The following RBPJL variants were observed in gnomAD, a reference collection of about 807,000 sequenced individuals.
The protein encoded by RBPJL is recombining binding protein suppressor of hairless-like protein.
In RBPJL, 50 loss-of-function variants were observed where a neutral mutation model predicts 57.6. The ratio of observed to expected loss-of-function variants is 0.87; its 90% CI spans 0.69 to 1.10. The LOEUF (loss-of-function observed/expected upper bound fraction) is 1.10. Ranked by LOEUF, RBPJL falls within the 50% of genes least tolerant of loss-of-function variation. The pLI, the probability that RBPJL is intolerant of heterozygous loss-of-function variation, is 0.00. For missense variants in RBPJL, 684 were observed against 693.7 expected, an observed-to-expected ratio of 0.99 and a Z score of 0.16; for synonymous variants, 303 against 294.4, an observed-to-expected ratio of 1.03 and a Z score of -0.30.
intron 1 of RBPJL, among the ~76,000 whole-genome samples, 164 bp from the exon 2 acceptor site, chr20:45,307,979 A>C (rs1301034930): frequency 6.6e-6 from 1 of 152,196 alleles, no homozygotes; most frequent in Non-Finnish European, 1.5e-5. Flanking sequence ...GGATGAGAGT[A>C]GAAAAGGGAT....
At chr20:45,308,084 G>A in intron 1 of RBPJL, 59 bp from the exon 2 acceptor site, 1 of 1,237,556 alleles carries the variant, frequency 8.1e-7, no homozygotes, top group Non-Finnish European at 1.2e-6. Context: ...GGGCACCCTA[G>A]GCAGCGTCTC....
intron 9 of RBPJL, among the ~76,000 whole-genome samples, chr20:45,315,719 C>T (rs893846985): frequency 7.5e-6 from 1 of 133,312 alleles, no homozygotes; most frequent in Non-Finnish European, 1.5e-5. Context: ...CCAGCCTGGG[C>T]GACAGAGCGA....
In RBPJL at chr20:45,316,295, T is replaced by G; in HGVS notation, c.1129T>G (p.Cys377Gly). The G allele has an allele frequency of 2.5e-6, 4 of 1,614,206 alleles. No individual in the cohort carries two copies. Among genetic ancestry groups the G allele is most frequent in the Non-Finnish European group, 3.4e-6 (4 of 1,179,994 alleles). ...ATTTTCCTTCAGCACCAGCCTGGCG[T>G]GTACCCTGGAGCCGGTCACTCCGGT... Reference protein sequence around the residue: ...VEFSFSTSLACTLEPVTPVPL... With the variant: ...VEFSFSTSLAGTLEPVTPVPL... The change falls in exon 10 of 12, where the codon TGT becomes GGT. Residue 377 changes from cysteine (C) to glycine (G), a missense_variant. Transcript: ENST00000343694.
In RBPJL at chr20:45,311,820, A is replaced by G. The variant is rs1046835350; in HGVS notation, c.329-19A>G. Reference sequence around the variant, plus strand: ...CGTCCTCCCGAGTCCTTGCAGAGCCAGTTCGCGTCCCTTTCCAGCTCACCA... The same window carrying G: ...CGTCCTCCCGAGTCCTTGCAGAGCCGGTTCGCGTCCCTTTCCAGCTCACCA... On this transcript the variant is annotated intron_variant, in intron 4 of 11. Coordinates refer to ENST00000343694, the MANE Select transcript of RBPJL (RefSeq NM_014276.4). 8 of 1,545,902 alleles carry G rather than the reference A, an allele frequency of 5.2e-6. No individual in the cohort carries two copies. The highest frequency in any genetic ancestry group is 7.0e-6 in the Non-Finnish European group (8 of 1,141,222).
intron 2 of RBPJL, among the ~76,000 whole-genome samples, 180 bp from the exon 3 acceptor site, chr20:45,309,384 TCTC>T (rs1402100752): frequency 6.6e-6 from 1 of 151,890 alleles, no homozygotes; most frequent in African/African-American, 2.4e-5. Context: ...TGCAGCCAAG[TCTC>T]CTCCTTACCT....
chr20:45,308,211 A>G lies in RBPJL; in HGVS notation c.91A>G (p.Ser31Gly). Residue 31 changes from serine (S) to glycine (G), a missense_variant, in exon 2 of 12, where the codon AGC (serine) becomes GGC (glycine). Physicochemically the swap from Ser to Gly is moderately conservative, Grantham distance 56. Coordinates refer to ENST00000343694, the MANE Select transcript of RBPJL (RefSeq NM_014276.4). ...GGACAGATCAGAGATGCAGCTGCAG[A>G]GCGAAGCCGACAGGCGGAGCCTCCC... is the stretch of plus-strand genomic sequence containing the variant. ...LQDRSEMQLQ[S>G]EADRRSLPGT... 1 of 1,614,088 alleles carries G rather than the reference A, an allele frequency of 6.2e-7. No individual in the cohort carries two copies. Among genetic ancestry groups the G allele is most frequent in the Non-Finnish European group, 8.5e-7 (1 of 1,179,942 alleles).
intron 6 of RBPJL, 72 bp from the exon 7 acceptor site, chr20:45,313,396 A>G: frequency 7.6e-7 from 1 of 1,315,548 alleles, no homozygotes; most frequent in Middle Eastern, 2.5e-4. Context: ...CCCCAATCCT[A>G]ACCCTAACCC....
Position 45,317,754 on chromosome 20 carries a change from C to T in RBPJL, c.*795C>T, listed in dbSNP as rs1394110591. On this transcript the variant is annotated 3_prime_UTR_variant, in exon 12 of 12. Transcript: ENST00000343694. ...TAACTGTCCCCCCCAGTCACTTCTC[C>T]CACAGGCCCAGCAGGACGCAGTCCT... The T allele has an allele frequency of 6.6e-6, 1 of 152,446 alleles. No homozygotes were observed. Among genetic ancestry groups the T allele is most frequent in the Non-Finnish European group, 1.5e-5 (1 of 68,208 alleles). 9.4% of individuals were successfully genotyped at this position (152,446 alleles called of 1,614,324 possible). A position where few individuals can be genotyped will look rare whatever the true frequency, so the allele number is the denominator to read the frequency against.
In RBPJL at chr20:45,316,824, C is replaced by T; in HGVS notation, c.1419C>T (p.Phe473=). The stretch of plus-strand genomic sequence containing the variant: ...TCTTCTACCCTAGTGCCTTCTCCTT[C>T]ACCTACACCCCGGAATACAGCGTGC... ...DGLFYPSAFS[F]TYTPEYSVRP... The change falls in exon 12 of 12, where the codon TTC becomes TTT. Residue 473 remains phenylalanine, a synonymous_variant. Coordinates refer to ENST00000343694, the MANE Select transcript of RBPJL (RefSeq NM_014276.4). 1 of 1,613,958 alleles carries T rather than the reference C, an allele frequency of 6.2e-7. No individual in the cohort carries two copies. Among genetic ancestry groups the T allele is most frequent in the South Asian group, 1.1e-5 (1 of 91,082 alleles).
Position 45,312,899 on chromosome 20 carries a change from G to C in RBPJL, c.619+504G>C, listed in dbSNP as rs557212116. Among the ~76,000 whole-genome samples the C allele has an allele frequency of 1.3e-5, 2 of 151,558 alleles. 1 individual carries two copies. Among genetic ancestry groups the C allele is most frequent in the South Asian group, 4.2e-4 (2 of 4,778 alleles). On this transcript the variant is annotated intron_variant, in intron 6 of 11. Coordinates refer to ENST00000343694, the MANE Select transcript of RBPJL (RefSeq NM_014276.4). ...GGCCTGCACTTGTTGTCCCAGCTACGTGGGAGGCTGAGATCAGAAGATCAC... is the reference window on the plus strand; with the variant it reads ...GGCCTGCACTTGTTGTCCCAGCTACCTGGGAGGCTGAGATCAGAAGATCAC...
chr20:45,316,984 C>T lies in RBPJL; in HGVS notation c.*25C>T. Reference sequence around the variant, plus strand: ...GGCGCGCCCGGTAGCCCCGGCTGCCCACCCTGGAGGGCTGCGCCCGCGCCA... The same window carrying T: ...GGCGCGCCCGGTAGCCCCGGCTGCCTACCCTGGAGGGCTGCGCCCGCGCCA... On this transcript the variant is annotated 3_prime_UTR_variant, in exon 12 of 12. Transcript: ENST00000343694. 1 of 1,602,210 alleles carries T rather than the reference C, an allele frequency of 6.2e-7. No homozygotes were observed.
At chr20:45,313,322 C>A (rs548627834) in intron 6 of RBPJL, 146 bp from the exon 7 acceptor site, 8 of 562,428 alleles carry the variant, frequency 1.4e-5, no homozygotes, top group Non-Finnish European at 2.4e-5. Context: ...TACCCTCACC[C>A]TCACTCTAAC....
At chr20:45,315,622 T>A (rs1201356236) in intron 9 of RBPJL, among the ~76,000 whole-genome samples, 1 of 151,254 alleles carries the variant, frequency 6.6e-6, no homozygotes, top group Admixed American at 6.6e-5. Context: ...GCACCTGTAA[T>A]CCCAGCTACC....
In RBPJL at chr20:45,309,659, A is replaced by G. The variant is rs747707051; in HGVS notation, c.224A>G (p.Lys75Arg). ...CEQTVRILHA[K>R]VAQKSYGNEK... The stretch of plus-strand genomic sequence containing the variant: ...CAGACTGTGCGGATCCTGCATGCCA[A>G]GGTGGCCCAGAAATCATACGGAAAT... Residue 75 changes from lysine to arginine, a missense_variant, in exon 3 of 12, where the codon AAG (lysine) becomes AGG (arginine). Lys to Arg is a conservative substitution (Grantham distance 26). Coordinates refer to ENST00000343694, the MANE Select transcript of RBPJL (RefSeq NM_014276.4). 2.5e-6 allele frequency: 4 copies of G among 1,613,576 alleles called. No individual in the cohort carries two copies. The East Asian group carries it at 8.9e-5, about 36-fold the overall frequency.
chr20:45,309,339 G>A (rs1987017218), intron 2 of RBPJL, among the ~76,000 whole-genome samples: 1 of 152,058 alleles, frequency 6.6e-6, no homozygotes, highest in African/African-American at 2.4e-5. Flanking sequence ...AGGCTTCGTT[G>A]AGCACCTTGC....
In RBPJL at chr20:45,316,175, G is replaced by T. The variant is rs1488826359; in HGVS notation, c.1021-12G>T. ...AGAAGCTTCGGCCTCGTCCCCTTGG[G>T]TCTCCTCCCAGGCCTCTCCCTGCCC... is the stretch of plus-strand genomic sequence containing the variant. On this transcript the variant is annotated splice_polypyrimidine_tract_variant and intron_variant, in intron 9 of 11. Coordinates refer to ENST00000343694, the MANE Select transcript of RBPJL (RefSeq NM_014276.4). 1 of 1,610,674 alleles carries T rather than the reference G, an allele frequency of 6.2e-7. No individual in the cohort carries two copies. The highest frequency in any genetic ancestry group is 2.2e-5 in the East Asian group (1 of 44,730).
Position 45,311,621 on chromosome 20 carries a change from C to G in RBPJL, c.290C>G (p.Ser97Trp). 1 of 1,614,204 alleles carries G rather than the reference C, an allele frequency of 6.2e-7. No individual in the cohort carries two copies. Among genetic ancestry groups the G allele is most frequent in the Non-Finnish European group, 8.5e-7 (1 of 1,180,028 alleles). The change falls in exon 4 of 12, where the codon TCG (serine) becomes TGG (tryptophan). Residue 97 changes from serine to tryptophan, a missense_variant. Ser to Trp is a radical substitution (Grantham distance 177). Transcript: ENST00000343694. ...TGCCCCCCGCCCTGTGTCTACCTCT[C>G]GGGGCCTGGCTGGAGGGTGAAGCCA... ...FFCPPPCVYL[S>W]GPGWRVKPGQ...
At chr20:45,309,515 C>G in intron 2 of RBPJL, 52 bp from the exon 3 acceptor site, 2 of 1,571,780 alleles carry the variant, frequency 1.3e-6, no homozygotes, top group Non-Finnish European at 1.7e-6. Flanking sequence ...CCCTGTGCCA[C>G]CTTGACCCTT....
Position 45,316,713 on chromosome 20 carries a change from G to A in RBPJL, c.1308G>A (p.Val436=), listed in dbSNP as rs1243410415. The change falls in exon 12 of 12, where the codon GTG becomes GTA. Residue 436 remains valine, a synonymous_variant. Transcript: ENST00000343694. The stretch of plus-strand genomic sequence containing the variant: ...GCCCGCGGTCCCTGGTGTGCGTGGT[G>A]CCGGACGTGGCGGCCTTCTGCAGCG... ...YRSPRSLVCV[V]PDVAAFCSDW... 6.2e-7 allele frequency: 1 copy of A among 1,610,748 alleles called. No homozygotes were observed. The highest frequency in any genetic ancestry group is 1.7e-5 in the Admixed American group (1 of 59,568).
Sources: gnomAD v4.1 joint callset for allele counts (sites outside exome capture counted in the v4.1 genomes callset) on GRCh38, gnomAD v4.1.1 for gene constraint, MANE v1.5 for transcripts, NCBI Gene and HGNC (gene_info 2026-07-23, HGNC 2026-07-21) for gene names.